Variants in CSMD1 observed in about 807,000 individuals in gnomAD.
CSMD1 encodes CUB and Sushi multiple domains 1.
A neutral mutation model predicts 417.5 loss-of-function variants in CSMD1; 213 were observed. The observed-to-expected ratio is 0.51, with a 90% CI of 0.46 to 0.57. The LOEUF is 0.57. Among genes scored for constraint, CSMD1 ranks in the 20% least tolerant of loss-of-function variants. The probability of loss-of-function intolerance (pLI) is 0.00; values close to 1 mark genes in which losing one functional copy is unlikely to be tolerated. For synonymous variants in CSMD1, 2,862 were observed against 1,736.8 expected (o/e 1.65, Z -16.11); for missense variants, 6,923 against 4,529.7 (o/e 1.53, Z -15.17).
intron 3 of CSMD1, among the ~76,000 whole-genome samples, chr8:4,302,930 A>G (rs2128874334): frequency 6.6e-6 from 1 of 152,066 alleles, no homozygotes; most frequent in African/African-American, 2.4e-5. Flanking sequence ...TTTTTTCTGG[A>G]AAATGCTGCT....
At chr8:3,569,108 G>T (rs1310953219) in intron 10 of CSMD1, among the ~76,000 whole-genome samples, 2 of 152,032 alleles carry the variant, frequency 1.3e-5, no homozygotes, top group African/African-American at 4.8e-5. Flanking sequence ...GAATACCCTG[G>T]TATGAGCTGT....
At chr8:3,589,986 T>C (rs1457521645) in intron 8 of CSMD1, among the ~76,000 whole-genome samples, 3 of 152,118 alleles carry the variant, frequency 2.0e-5, no homozygotes, top group Non-Finnish European at 4.4e-5. Context: ...TCAGAAGACA[T>C]TAGAGTGTCC....
chr8:4,540,798 T>G (rs1021443396), intron 2 of CSMD1, among the ~76,000 whole-genome samples: 1 of 152,058 alleles, frequency 6.6e-6, no homozygotes, highest in African/African-American at 2.4e-5. Flanking sequence ...CTTCTGTTAT[T>G]ATCCCCATTT....
chr8:4,942,330 T>C (rs758074055), intron 1 of CSMD1, among the ~76,000 whole-genome samples: 14 of 152,104 alleles, frequency 9.2e-5, no homozygotes, highest in African/African-American at 2.2e-4. Context: ...CTCTGACAGA[T>C]AGAATAACCC....
intron 6 of CSMD1, among the ~76,000 whole-genome samples, chr8:3,718,450 T>C (rs987116117): frequency 1.3e-5 from 2 of 152,224 alleles, no homozygotes; most frequent in African/African-American, 2.4e-5. Context: ...GAAAGCCTGA[T>C]GTTATAAGTC....
At chr8:3,550,134 T>C (rs970792380) in intron 10 of CSMD1, among the ~76,000 whole-genome samples, 1 of 152,186 alleles carries the variant, frequency 6.6e-6, no homozygotes, top group Non-Finnish European at 1.5e-5. Flanking sequence ...GGATCACCCA[T>C]GCACGTGGCC....
chr8:4,912,504 G>C (rs1414284112), intron 1 of CSMD1, among the ~76,000 whole-genome samples: 5 of 152,070 alleles, frequency 3.3e-5, no homozygotes, highest in African/African-American at 9.7e-5. Context: ...AGTGCCAGAG[G>C]CTTCATGCCA....
chr8:3,726,970 T>C (rs1015529165), intron 6 of CSMD1, among the ~76,000 whole-genome samples: 1 of 152,202 alleles, frequency 6.6e-6, no homozygotes, highest in Non-Finnish European at 1.5e-5. Flanking sequence ...CATTTATGAA[T>C]ATACATACCA....
chr8:3,801,930 G>A (rs557389071), intron 5 of CSMD1, among the ~76,000 whole-genome samples: 11 of 152,104 alleles, frequency 7.2e-5, no homozygotes, highest in African/African-American at 2.7e-4. Context: ...AGGGTGGGGA[G>A]TCAGGGTAGA....
intron 7 of CSMD1, among the ~76,000 whole-genome samples, chr8:3,669,558 G>T (rs1798879999): frequency 6.6e-6 from 1 of 152,202 alleles, no homozygotes; most frequent in Admixed American, 6.5e-5. Context: ...TTTTCAGAAG[G>T]AGGGGAATGT....
At chr8:4,648,392 C>T (rs10094093) in intron 1 of CSMD1, among the ~76,000 whole-genome samples, 36,842 of 151,954 alleles carry the variant, frequency 0.24, 4,969 homozygotes, top group East Asian at 0.41. Flanking sequence ...CACCAAGTGG[C>T]CCCTAATGGT....
intron 7 of CSMD1, among the ~76,000 whole-genome samples, chr8:3,618,757 G>C (rs73660391): frequency 0.011 from 1,676 of 152,226 alleles, 16 homozygotes; most frequent in South Asian, 0.037. Flanking sequence ...TGAAGAAAAA[G>C]ATGTTCAAAA....
chr8:3,619,458 A>G (rs1246677350), intron 7 of CSMD1, among the ~76,000 whole-genome samples: 1 of 152,190 alleles, frequency 6.6e-6, no homozygotes. Flanking sequence ...ATAAATCTCT[A>G]GATACAGTCA....
chr8:4,904,427 AT>A (rs528750060), intron 1 of CSMD1, among the ~76,000 whole-genome samples: 296 of 152,320 alleles, frequency 1.9e-3, no homozygotes, highest in African/African-American at 7.0e-3. Flanking sequence ...TATCTCACAA[AT>A]AAAACTAGCT....
Position 3,114,076 on chromosome 8 carries a change from A to G in CSMD1, c.6431-3741T>C, listed in dbSNP as rs966633980. 2.6e-5 allele frequency among the ~76,000 whole-genome samples: 4 copies of G among 151,802 alleles called. 1 individual carries two copies. Among genetic ancestry groups the G allele is most frequent in the Admixed American group, 2.0e-4 (3 of 15,216 alleles). ...ATTAAAACAAACAAACAAACAAACA[A>G]ACAAACAAAAAACATTAATTATCCA... On this transcript the variant is annotated intron_variant, in intron 42 of 69. Coordinates refer to ENST00000635120, the MANE Select transcript of CSMD1 (RefSeq NM_033225.6).
At chr8:3,350,155 ATGTG>A (rs1187553925) in intron 21 of CSMD1, among the ~76,000 whole-genome samples, 3 of 51,620 alleles carry the variant, frequency 5.8e-5, no homozygotes, top group Non-Finnish European at 1.2e-4. Flanking sequence ...TAACTTGTGT[ATGTG>A]TGTGTTATAA....
intron 1 of CSMD1, among the ~76,000 whole-genome samples, chr8:4,932,065 A>AAAT (rs1238252243): frequency 1.3e-5 from 2 of 151,274 alleles, no homozygotes. Flanking sequence ...GGTATATATT[A>AAAT]AACAATAGCA....
intron 29 of CSMD1, among the ~76,000 whole-genome samples, chr8:3,215,572 C>G (rs1046246586): frequency 6.6e-5 from 10 of 152,228 alleles, no homozygotes; most frequent in Non-Finnish European, 1.5e-4. Context: ...CTCAATTAGG[C>G]ATTCACTTTT....
At chr8:3,539,763 T>TAAAAA (rs33938448) in intron 10 of CSMD1, among the ~76,000 whole-genome samples, 1 of 129,736 alleles carries the variant, frequency 7.7e-6, no homozygotes, top group Non-Finnish European at 1.7e-5. Flanking sequence ...TTCTTTATGA[T>TAAAAA]AAAAAAAAAA....
Sources: allele counts gnomAD v4.1 joint callset (sites outside exome capture counted in the v4.1 genomes callset), GRCh38; gene constraint gnomAD v4.1.1; transcripts MANE v1.5; gene names NCBI Gene and HGNC (gene_info 2026-07-23, HGNC 2026-07-21).